The following COLQ variants were observed in gnomAD, a reference collection of about 807,000 sequenced individuals.
COLQ encodes the protein collagen like tail subunit of asymmetric acetylcholinesterase.
In COLQ, 48 loss-of-function variants were observed where a neutral mutation model predicts 69.0. That is an observed-to-expected ratio of 0.70 (90% CI 0.55 to 0.88). COLQ has a LOEUF of 0.88. Ranked by LOEUF, COLQ falls within the 40% of genes least tolerant of loss-of-function variation. The pLI, the probability that COLQ is intolerant of heterozygous loss-of-function variation, is 0.00. For synonymous variants in COLQ, 217 were observed against 211.2 expected (o/e 1.03, Z -0.24); for missense variants, 618 against 594.6 (o/e 1.04, Z -0.41).
rs2063140701 is a variant in COLQ, at chr3:15,521,683, T to C, written c.-58A>G. Reference sequence around the variant, plus strand: ...AAGGAGGCTGCTGCGGAGCCTTGCTTATCTCTGCTTTTCTCTTCCTCACTG... The same window carrying C: ...AAGGAGGCTGCTGCGGAGCCTTGCTCATCTCTGCTTTTCTCTTCCTCACTG... On this transcript the variant is annotated 5_prime_UTR_variant, in exon 1 of 17. The change creates a new upstream start codon in the 5' untranslated region. Transcript: ENST00000383788. 6.2e-7 allele frequency: 1 copy of C among 1,608,514 alleles called. No homozygotes were observed. Among genetic ancestry groups the C allele is most frequent in the Non-Finnish European group, 8.5e-7 (1 of 1,177,698 alleles).
intron 1 of COLQ, among the ~76,000 whole-genome samples, chr3:15,503,165 G>C (rs1346920014): frequency 6.6e-6 from 1 of 152,144 alleles, no homozygotes; most frequent in South Asian, 2.1e-4. Flanking sequence ...GTCTGGTGGG[G>C]CAGTTTCCGG....
At chr3:15,494,305 A>T (rs770022174) in intron 1 of COLQ, among the ~76,000 whole-genome samples, 4 of 152,164 alleles carry the variant, frequency 2.6e-5, no homozygotes, top group Non-Finnish European at 5.9e-5. Context: ...GGGAGCATGC[A>T]GCAGGGCACG....
intron 13 of COLQ, among the ~76,000 whole-genome samples, chr3:15,456,980 G>A (rs1219966781): frequency 6.6e-6 from 1 of 151,946 alleles, no homozygotes; most frequent in African/African-American, 2.4e-5. Flanking sequence ...GCACCACAAT[G>A]CCTGGCTAAC....
intron 1 of COLQ, among the ~76,000 whole-genome samples, chr3:15,520,091 C>G (rs1559536038): frequency 6.6e-6 from 1 of 152,212 alleles, no homozygotes; most frequent in Non-Finnish European, 1.5e-5. Flanking sequence ...TCAGCAGATT[C>G]TCAAAGGAAT....
At chr3:15,459,903 A>G (rs1018565780) in intron 12 of COLQ, among the ~76,000 whole-genome samples, 13 of 152,098 alleles carry the variant, frequency 8.5e-5, no homozygotes, top group African/African-American at 2.9e-4. Context: ...AAAGCTCTCA[A>G]GATGATTCCA....
Position 15,477,147 on chromosome 3 carries a change from C to T in COLQ, c.444G>A (p.Trp148Ter), listed in dbSNP as rs1369980189. 1 of 1,604,294 alleles carries T rather than the reference C, an allele frequency of 6.2e-7. No homozygotes were observed. Reference protein sequence around the residue: ...GVPGMPGPIGWPGPEGPRGEK... With the variant: ...GVPGMPGPIG Reference sequence around the variant, plus strand: ...TTACCCTGGGTCCTTCAGGGCCTGGCCAACCGATGGGCCCAGGCATGCCAG... The same window carrying T: ...TTACCCTGGGTCCTTCAGGGCCTGGTCAACCGATGGGCCCAGGCATGCCAG... Residue 148 changes from tryptophan (W) to a stop codon, truncating the protein, a stop_gained, in exon 6 of 17, where the codon TGG (tryptophan) becomes TGA (stop). Coordinates refer to ENST00000383788, the MANE Select transcript of COLQ (RefSeq NM_005677.4). LOFTEE classifies it high-confidence loss of function.
At chr3:15,483,446 A>T (rs2062524914) in intron 3 of COLQ, among the ~76,000 whole-genome samples, 6 of 152,112 alleles carry the variant, frequency 3.9e-5, no homozygotes, top group Admixed American at 3.9e-4. Flanking sequence ...GAACATTTTT[A>T]TTTCTGCCTT....
chr3:15,508,164 T>G (rs2062936093), intron 1 of COLQ, among the ~76,000 whole-genome samples: 1 of 152,236 alleles, frequency 6.6e-6, no homozygotes, highest in Non-Finnish European at 1.5e-5. Flanking sequence ...ATTTTATATT[T>G]AAATCTTCAT....
chr3:15,471,566 A>C (rs1186698611), intron 10 of COLQ, among the ~76,000 whole-genome samples: 2 of 152,232 alleles, frequency 1.3e-5, no homozygotes. Context: ...CATGAGTGTT[A>C]ATCAGCAGCC....
In COLQ at chr3:15,493,569, G is replaced by A. The variant is rs371791406; in HGVS notation, c.107-3932C>T. ...CTCACCTCTTTTACCTCCCCCATCT[G>A]CTTTGTCTGGAACATCCCCTTGTGG... On this transcript the variant is annotated intron_variant, in intron 1 of 16. Transcript: ENST00000383788. 5.1e-4 allele frequency among the ~76,000 whole-genome samples: 77 copies of A among 152,324 alleles called. No homozygotes were observed. The South Asian group carries it at 7.5e-3, about 15-fold the overall frequency.
chr3:15,496,923 C>G (rs1438217549), intron 1 of COLQ, among the ~76,000 whole-genome samples: 1 of 151,798 alleles, frequency 6.6e-6, no homozygotes, highest in Non-Finnish European at 1.5e-5. Context: ...AGTGTTAAGT[C>G]TAGGTGCAAG....
At chr3:15,495,294 T>G (rs1165774334) in intron 1 of COLQ, among the ~76,000 whole-genome samples, 1 of 152,198 alleles carries the variant, frequency 6.6e-6, no homozygotes, top group South Asian at 2.1e-4. Context: ...TGGGAAGGAC[T>G]GATCCTAGGG....
intron 11 of COLQ, 136 bp from the exon 12 acceptor site, chr3:15,466,573 A>G (rs2062203946): frequency 1.4e-6 from 1 of 696,714 alleles, no homozygotes; most frequent in African/African-American, 1.8e-5. Context: ...AGAGGTCTTG[A>G]CCATCGAGCT....
At chr3:15,516,498 C>T (rs374227163) in intron 1 of COLQ, among the ~76,000 whole-genome samples, 5 of 152,162 alleles carry the variant, frequency 3.3e-5, no homozygotes, top group African/African-American at 4.8e-5. Context: ...TTCTGAGACC[C>T]GGACCCAAAC....
chr3:15,498,783 A>G, intron 1 of COLQ: 2 of 1,499,380 alleles, frequency 1.3e-6, no homozygotes, highest in Non-Finnish European at 1.8e-6. Flanking sequence ...GGGAGTAGCA[A>G]TGGGTAGGCA....
At chr3:15,478,602 T>C (rs1347655461) in intron 5 of COLQ, 2 of 325,806 alleles carry the variant, frequency 6.1e-6, no homozygotes, top group East Asian at 1.3e-4. Flanking sequence ...TGGCACTTTA[T>C]TCAAATTTAA....
intron 12 of COLQ, among the ~76,000 whole-genome samples, chr3:15,458,844 G>T (rs2062064341): frequency 6.6e-6 from 1 of 150,812 alleles, no homozygotes; most frequent in African/African-American, 2.5e-5. Flanking sequence ...CTTATATATA[G>T]AATTTTTTTT....
chr3:15,521,599 CAA>C lies in COLQ; in HGVS notation c.25_26del (p.Leu9GlyfsTer124). On this transcript the variant is annotated frameshift_variant, in exon 1 of 17. Transcript: ENST00000383788. LOFTEE classifies it high-confidence loss of function. ...GGAAGAAAAGCTGAAGATAAATTCC[CAA>C]AGTCATTGGATTCAGGACAACCATG... MVVLNPMT[L>X]GIYLQLFFLS... 1 of 1,614,140 alleles carries C rather than the reference CAA, an allele frequency of 6.2e-7. No individual in the cohort carries two copies. The highest frequency in any genetic ancestry group is 8.5e-7 in the Non-Finnish European group (1 of 1,180,018).
At chr3:15,521,308 G>T (rs2063134060) in intron 1 of COLQ, among the ~76,000 whole-genome samples, 1 of 152,220 alleles carries the variant, frequency 6.6e-6, no homozygotes. Context: ...TCTGCTTTGA[G>T]CAGCCAGGTA....
Sources: allele counts gnomAD v4.1 joint callset (sites outside exome capture counted in the v4.1 genomes callset), GRCh38; gene constraint gnomAD v4.1.1; transcripts MANE v1.5; gene names NCBI Gene and HGNC (gene_info 2026-07-23, HGNC 2026-07-21).